The following CHERP variants were observed in gnomAD, a reference collection of about 807,000 sequenced individuals.
The protein encoded by CHERP is calcium homeostasis endoplasmic reticulum protein, also known as ERPROT 213-21.
A neutral mutation model predicts 113.8 loss-of-function variants in CHERP; 8 were observed. The ratio of observed to expected loss-of-function variants is 0.07; its 90% CI spans 0.04 to 0.13. The LOEUF (loss-of-function observed/expected upper bound fraction) is 0.13. Among genes scored for constraint, CHERP ranks in the 10% least tolerant of loss-of-function variants. The pLI is 1.00. For missense variants in CHERP, 884 were observed against 1,298.2 expected (o/e 0.68, Z 4.90); for synonymous variants, 559 against 524.5 (o/e 1.07, Z -0.90).
In CHERP at chr19:16,532,880, A is replaced by G. The variant is rs2085716345; in HGVS notation, c.522+131T>C. The G allele has an allele frequency of 6.6e-7, 1 of 1,516,936 alleles. No homozygotes were observed. The highest frequency in any genetic ancestry group is 1.4e-5 in the African/African-American group (1 of 72,834). The allele number at this position is 1,516,936 out of a possible 1,614,324, so 94.0% of individuals were successfully genotyped here. A position where few individuals can be genotyped will look rare whatever the true frequency, so the allele number is the denominator to read the frequency against. ...GAGCGTGGGGGGCACAGGGTCCCAC[A>G]GCCTCAGGAGCTCCAGGCGGGAGGG... On this transcript the variant is annotated intron_variant, in intron 4 of 16. Transcript: ENST00000546361. This position sits in a 1 kb window ranked among gnomAD's most constrained non-coding sequence, Gnocchi z 4.4.
At chr19:16,542,176 G>A in intron 1 of CHERP, 133 bp from the exon 2 acceptor site, 1 of 1,149,458 alleles carries the variant, frequency 8.7e-7, no homozygotes, top group Non-Finnish European at 1.2e-6. Flanking sequence ...GCCCTTGTAC[G>A]GGTCCCGATA....
At chr19:16,534,044 TTTC>T (rs2085725096) in intron 3 of CHERP, among the ~76,000 whole-genome samples, 1 of 138,574 alleles carries the variant, frequency 7.2e-6, no homozygotes, top group South Asian at 2.2e-4. Flanking sequence ...ATTCTGGAAC[TTTC>T]TTTTCTTTTC....
rs1169681796 is a variant in CHERP, at chr19:16,525,853, C to T, written c.1306-176G>A. Among the ~76,000 whole-genome samples the T allele has an allele frequency of 6.6e-6, 1 of 151,960 alleles. No homozygotes were observed. Among genetic ancestry groups the T allele is most frequent in the Non-Finnish European group, 1.5e-5 (1 of 67,860 alleles). On this transcript the variant is annotated intron_variant, in intron 9 of 16. Coordinates refer to ENST00000546361, the MANE Select transcript of CHERP (RefSeq NM_006387.6). This position sits in a 1 kb window ranked among gnomAD's most constrained non-coding sequence, Gnocchi z 6.5. ...GGATGCTGGGCACCTGCTCTCAGCC[C>T]GCACCACATGCTGCTGCAAAATGAC...
Position 16,521,550 on chromosome 19 carries a change from G to A in CHERP, c.2085C>T (p.Ser695=), listed in dbSNP as rs772401975. The stretch of plus-strand genomic sequence containing the variant: ...TCCTGGGCCTGTCGTGGGACGGGGG[G>A]CTGTAGAAGGCCTCCACTGCAGCCA... ...RLLAAVEAFY[S]PPSHDRPRNS... The change falls in exon 12 of 17, where the codon AGC becomes AGT. Residue 695 remains serine (S), a synonymous_variant. Transcript: ENST00000546361. 4 of 1,602,772 alleles carry A rather than the reference G, an allele frequency of 2.5e-6. No homozygotes were observed. Among genetic ancestry groups the A allele is most frequent in the South Asian group, 2.2e-5 (2 of 89,308 alleles).
At chr19:16,541,649 CA>C in intron 2 of CHERP, 1 of 505,328 alleles carries the variant, frequency 2.0e-6, no homozygotes, top group Non-Finnish European at 3.5e-6. Context: ...ATCCAGAGCC[CA>C]GGGGGGAGGA....
rs779387863 is a variant in CHERP, at chr19:16,541,925, G to A, written c.144C>T (p.Phe48=). ...QKDNPKFSFL[F]GGEFYSYYKC... is the part of the protein sequence containing the mutation. ...TGTAGTAACTGTAGAATTCGCCTCCGAAAAGAAACGAGAATTTGGGGTTGT... is the reference window on the plus strand; with the variant it reads ...TGTAGTAACTGTAGAATTCGCCTCCAAAAAGAAACGAGAATTTGGGGTTGT... Residue 48 remains phenylalanine, a synonymous_variant, in exon 2 of 17, where the codon TTC becomes TTT. Transcript: ENST00000546361. 5.0e-6 allele frequency: 8 copies of A among 1,613,954 alleles called. No homozygotes were observed. Among genetic ancestry groups the A allele is most frequent in the East Asian group, 2.2e-5 (1 of 44,880 alleles).
In CHERP at chr19:16,535,570, G is replaced by A. The variant is rs751650036; in HGVS notation, c.266C>T (p.Pro89Leu). Residue 89 changes from proline (P) to leucine (L), a missense_variant, in exon 3 of 17, where the codon CCG (proline) becomes CTG (leucine). Transcript: ENST00000546361. The surrounding 1 kb of genome is among the most constrained non-coding windows in gnomAD (Gnocchi z 4.3). ...CGGGATGGGCGCGGCGGGGGCCAGCGGGGGCTGTGGCAGGGGTGGCATGGT... is the reference window on the plus strand; with the variant it reads ...CGGGATGGGCGCGGCGGGGGCCAGCAGGGGCTGTGGCAGGGGTGGCATGGT... ...AATMPPLPQP[P>L]LAPAAPIPPA... 6.4e-6 allele frequency: 10 copies of A among 1,565,402 alleles called. No individual in the cohort carries two copies. Among genetic ancestry groups the A allele is most frequent in the Admixed American group, 1.9e-5 (1 of 52,510 alleles).
Position 16,519,765 on chromosome 19 carries a change from T to C in CHERP, c.2463-50A>G, listed in dbSNP as rs1269664358. ...TTTAAGAAGTAACTGAGACATTTATTGGAATGACAGTGATGAGGACCTCAC... is the reference window on the plus strand; with the variant it reads ...TTTAAGAAGTAACTGAGACATTTATCGGAATGACAGTGATGAGGACCTCAC... On this transcript the variant is annotated intron_variant, in intron 15 of 16. Transcript: ENST00000546361. This position sits in a 1 kb window ranked among gnomAD's most constrained non-coding sequence, Gnocchi z 6.0. 2 of 1,489,782 alleles carry C rather than the reference T, an allele frequency of 1.3e-6. No homozygotes were observed. The highest frequency in any genetic ancestry group is 4.5e-5 in the East Asian group (2 of 44,304). The allele number at this position is 1,489,782 out of a possible 1,614,324, so 92.3% of individuals were successfully genotyped here.
Position 16,520,221 on chromosome 19 carries a change from T to C in CHERP, c.2390A>G (p.Gln797Arg). Residue 797 changes from glutamine (Q) to arginine (R), a missense_variant, in exon 15 of 17, where the codon CAG becomes CGG. Coordinates refer to ENST00000546361, the MANE Select transcript of CHERP (RefSeq NM_006387.6). The surrounding 1 kb of genome is among the most constrained non-coding windows in gnomAD (Gnocchi z 4.0). ...SRSSRSRSRS[Q>R]SRSRSKSYSP... is the part of the protein sequence containing the mutation. Reference sequence around the variant, plus strand: ...GTACGACTTGGACCGGGACCGCGACTGGGACCGGGAGCGGCTTCTGGAGGA... The same window carrying C: ...GTACGACTTGGACCGGGACCGCGACCGGGACCGGGAGCGGCTTCTGGAGGA... 1 of 1,613,432 alleles carries C rather than the reference T, an allele frequency of 6.2e-7. No homozygotes were observed. Among genetic ancestry groups the C allele is most frequent in the African/African-American group, 1.3e-5 (1 of 75,038 alleles).
Position 16,529,742 on chromosome 19 carries a change from C to T in CHERP, c.1035G>A (p.Pro345=), listed in dbSNP as rs763746029. The change falls in exon 8 of 17, where the codon CCG becomes CCA. Residue 345 remains proline (P), a synonymous_variant. Coordinates refer to ENST00000546361, the MANE Select transcript of CHERP (RefSeq NM_006387.6). The stretch of plus-strand genomic sequence containing the variant: ...TGGCCTTGACTTCAGCCTCCATCTG[C>T]GGCATCTGGAGCTGCTGCTGCTGCT... ...QQQQQQQLQM[P]QMEAEVKATP... The T allele has an allele frequency of 1.7e-5, 28 of 1,610,804 alleles. No homozygotes were observed. Among genetic ancestry groups the T allele is most frequent in the Middle Eastern group, 1.7e-4 (1 of 5,962 alleles).
chr19:16,521,714 G>C, intron 11 of CHERP, 60 bp from the exon 12 acceptor site: 3 of 1,471,818 alleles, frequency 2.0e-6, no homozygotes, highest in Non-Finnish European at 1.8e-6. Flanking sequence ...GGCCCACCCA[G>C]GGTCTGCAAG....
At position 16,519,778 on chromosome 19, in the gene CHERP, A is replaced by T. The variant is rs1297255742; in HGVS notation, c.2463-63T>A. Reference sequence around the variant, plus strand: ...TGAGACATTTATTGGAATGACAGTGATGAGGACCTCACAGCCGCAGCTTGC... The same window carrying T: ...TGAGACATTTATTGGAATGACAGTGTTGAGGACCTCACAGCCGCAGCTTGC... On this transcript the variant is annotated intron_variant, in intron 15 of 16. Coordinates refer to ENST00000546361, the MANE Select transcript of CHERP (RefSeq NM_006387.6). This position sits in a 1 kb window ranked among gnomAD's most constrained non-coding sequence, Gnocchi z 6.0. 7.2e-7 allele frequency: 1 copy of T among 1,391,248 alleles called. No individual in the cohort carries two copies. The highest frequency in any genetic ancestry group is 1.0e-6 in the Non-Finnish European group (1 of 977,630). The allele number at this position is 1,391,248 out of a possible 1,614,324, so 86.2% of individuals were successfully genotyped here. A position where few individuals can be genotyped will look rare whatever the true frequency, so the allele number is the denominator to read the frequency against.
In CHERP at chr19:16,535,462, G is replaced by A. The variant is rs553167867; in HGVS notation, c.374C>T (p.Ala125Val). 1.2e-5 allele frequency: 20 copies of A among 1,608,196 alleles called. No homozygotes were observed. Among genetic ancestry groups the A allele is most frequent in the Admixed American group, 5.1e-5 (3 of 59,290 alleles). The part of the protein sequence containing the change: ...NLQQQEQHLL[A>V]LRQEQVTAAV... ...GCGGCGGGCCCATACCTGTCTGAGCGCCAGCAAGTGCTGCTCCTGCTGCTG... is the reference window on the plus strand; with the variant it reads ...GCGGCGGGCCCATACCTGTCTGAGCACCAGCAAGTGCTGCTCCTGCTGCTG... Residue 125 changes from alanine (A) to valine (V), a missense_variant, in exon 3 of 17, where the codon GCG (alanine) becomes GTG (valine). This residue lies in a region of CHERP where 109 missense variants were observed against 134.2 expected (regional missense o/e 0.81). Transcript: ENST00000546361. This position sits in a 1 kb window ranked among gnomAD's most constrained non-coding sequence, Gnocchi z 4.3.
chr19:16,530,527 C>A lies in CHERP; in HGVS notation c.876+58G>T. ...AGCTGCTGTCCCCACACTCCCAAAC[C>A]CTCCTGGGGAACCCGCCCCAGCTCT... On this transcript the variant is annotated intron_variant, in intron 7 of 16. Coordinates refer to ENST00000546361, the MANE Select transcript of CHERP (RefSeq NM_006387.6). This position sits in a 1 kb window ranked among gnomAD's most constrained non-coding sequence, Gnocchi z 4.1. 6.5e-7 allele frequency: 1 copy of A among 1,537,086 alleles called. No individual in the cohort carries two copies.
In CHERP at chr19:16,523,433, A is replaced by G. The variant is rs553644100; in HGVS notation, c.1742-143T>C. 1.1e-4 allele frequency: 103 copies of G among 946,862 alleles called. No homozygotes were observed. The East Asian group carries it at 2.7e-3, about 25-fold the overall frequency. 58.7% of individuals were successfully genotyped at this position (946,862 alleles called of 1,614,324 possible). A position where few individuals can be genotyped will look rare whatever the true frequency, so the allele number is the denominator to read the frequency against. ...CCAGCATCTTCTCTCACTGCTTAAGACCAGGCAGCAAGGCACCGAGGAGCC... is the reference window on the plus strand; with the variant it reads ...CCAGCATCTTCTCTCACTGCTTAAGGCCAGGCAGCAAGGCACCGAGGAGCC... On this transcript the variant is annotated intron_variant, in intron 10 of 16. Coordinates refer to ENST00000546361, the MANE Select transcript of CHERP (RefSeq NM_006387.6). This position sits in a 1 kb window ranked among gnomAD's most constrained non-coding sequence, Gnocchi z 4.0.
chr19:16,529,614 CCTGGGGGCAGG>C (rs2085682881), intron 8 of CHERP, 23 bp downstream of exon 8: 1 of 1,529,338 alleles, frequency 6.5e-7, no homozygotes, highest in Admixed American at 2.0e-5. Flanking sequence ...GGGGCTGTTT[CCTGGGGGCAGG>C]CTGAGCTGAG....
rs2085585628 is a variant in CHERP at position 16,519,430 on chromosome 19, C to A, written c.2558-78G>T. On this transcript the variant is annotated intron_variant, in intron 16 of 16. Coordinates refer to ENST00000546361, the MANE Select transcript of CHERP (RefSeq NM_006387.6). The surrounding 1 kb of genome is among the most constrained non-coding windows in gnomAD (Gnocchi z 6.0). ...GCACGTGGGGGGCTGAATGTCCAGA[C>A]AGGCAGTGTAGACATGGGAAATGGG... The A allele has an allele frequency of 6.8e-7, 1 of 1,467,550 alleles. No individual in the cohort carries two copies. The highest frequency in any genetic ancestry group is 1.9e-5 in the Admixed American group (1 of 53,714). The allele number at this position is 1,467,550 out of a possible 1,614,324, so 90.9% of individuals were successfully genotyped here. A position where few individuals can be genotyped will look rare whatever the true frequency, so the allele number is the denominator to read the frequency against.
Position 16,525,201 on chromosome 19 carries a change from G to C in CHERP, c.1741+41C>G. 1 of 1,390,634 alleles carries C rather than the reference G, an allele frequency of 7.2e-7. No homozygotes were observed. The highest frequency in any genetic ancestry group is 9.3e-7 in the Non-Finnish European group (1 of 1,070,366). The allele number at this position is 1,390,634 out of a possible 1,614,324, so 86.1% of individuals were successfully genotyped here. ...CAGCCTGCTCGGCAGGCGAGCCGTG[G>C]ATGCCTCCGCCAGGCCCTACCCAGG... On this transcript the variant is annotated intron_variant, in intron 10 of 16. Coordinates refer to ENST00000546361, the MANE Select transcript of CHERP (RefSeq NM_006387.6). The surrounding 1 kb of genome is among the most constrained non-coding windows in gnomAD (Gnocchi z 6.5).
intron 5 of CHERP, among the ~76,000 whole-genome samples, chr19:16,531,742 G>A (rs1054134785): frequency 3.9e-5 from 6 of 152,192 alleles, no homozygotes; most frequent in East Asian, 1.9e-4. Context: ...AGCTGGTGCC[G>A]AGCCGCAACT....
Sources: allele counts gnomAD v4.1 joint callset (sites outside exome capture counted in the v4.1 genomes callset), GRCh38; gene constraint gnomAD v4.1.1; regional missense constraint gnomAD v4.1.1; non-coding constraint Gnocchi (gnomAD v3.1); transcripts MANE v1.5; gene names NCBI Gene and HGNC (gene_info 2026-07-23, HGNC 2026-07-21).